Variants in SMYD3 observed in about 807,000 individuals in gnomAD.
The protein encoded by SMYD3 is histone-lysine N-methyltransferase SMYD3.
A neutral mutation model predicts 57.7 loss-of-function variants in SMYD3; 36 were observed. That is an observed-to-expected ratio of 0.62 (90% confidence interval 0.48 to 0.82). The LOEUF (loss-of-function observed/expected upper bound fraction) is 0.82, where lower values mean the gene tolerates loss of function less well. SMYD3 is among the 40% of genes least tolerant of loss of function. The pLI, the probability that SMYD3 is intolerant of heterozygous loss-of-function variation, is 0.00. For synonymous variants in SMYD3, 211 were observed against 195.0 expected (o/e 1.08, Z -0.68); for missense variants, 515 against 538.8 (o/e 0.96, Z 0.44).
intron 5 of SMYD3, among the ~76,000 whole-genome samples, chr1:246,003,917 G>T (rs965524495): frequency 6.6e-6 from 1 of 152,110 alleles, no homozygotes; most frequent in Non-Finnish European, 1.5e-5. Context: ...TGGGACCCAC[G>T]ACTTGGGGCT....
At chr1:245,773,271 G>A (rs2046412465) in intron 10 of SMYD3, among the ~76,000 whole-genome samples, 3 of 152,086 alleles carry the variant, frequency 2.0e-5, no homozygotes. Flanking sequence ...GATGATTCTG[G>A]GTGAGTGTCC....
intron 10 of SMYD3, among the ~76,000 whole-genome samples, chr1:245,812,446 G>A (rs981884503): frequency 1.3e-5 from 2 of 152,114 alleles, no homozygotes; most frequent in East Asian, 1.9e-4. Flanking sequence ...AGTGAACACC[G>A]TCAGGAAGAC....
chr1:246,294,164 A>G (rs1572347295), intron 5 of SMYD3, among the ~76,000 whole-genome samples: 1 of 150,978 alleles, frequency 6.6e-6, no homozygotes, highest in Admixed American at 6.6e-5. Context: ...CATTCCTTCC[A>G]CCTCCACAGC....
In SMYD3 at chr1:246,478,977, T is replaced by C. The variant is rs71638335; in HGVS notation, c.164+28077A>G. ...TGCTCATATATGCACACCTGTCCTC[T>C]GTCCTGGAGCTGATACATAAGTGCT... On this transcript the variant is annotated intron_variant, in intron 1 of 11. Transcript: ENST00000490107. Among the ~76,000 whole-genome samples, 1,290 of 138,982 alleles carry C rather than the reference T, an allele frequency of 9.3e-3. 19 individuals are homozygous for C. The highest frequency in any genetic ancestry group is 0.014 in the African/African-American group (484 of 35,348). 91.2% of individuals were successfully genotyped at this position (138,982 alleles called of 152,430 possible).
chr1:246,204,176 G>C (rs959016642), intron 5 of SMYD3, among the ~76,000 whole-genome samples: 3 of 152,140 alleles, frequency 2.0e-5, no homozygotes, highest in South Asian at 2.1e-4. Context: ...CCCAAAAACT[G>C]TAAGTGGGCC....
At chr1:246,211,392 G>T (rs781288842) in intron 5 of SMYD3, among the ~76,000 whole-genome samples, 1 of 152,096 alleles carries the variant, frequency 6.6e-6, no homozygotes, top group Admixed American at 6.5e-5. Context: ...TCAGAGACTG[G>T]TTGAATACAC....
At chr1:245,822,528 C>T (rs1369943331) in intron 10 of SMYD3, among the ~76,000 whole-genome samples, 1 of 150,092 alleles carries the variant, frequency 6.7e-6, no homozygotes, top group Non-Finnish European at 1.5e-5. Flanking sequence ...GCACATGTAC[C>T]CTAAAACTTA....
At chr1:245,895,753 C>T (rs1239028989) in intron 8 of SMYD3, among the ~76,000 whole-genome samples, 1 of 152,218 alleles carries the variant, frequency 6.6e-6, no homozygotes, top group African/African-American at 2.4e-5. Context: ...ACATGGGAAT[C>T]AAGGCAGTTC....
intron 11 of SMYD3, among the ~76,000 whole-genome samples, chr1:245,756,283 C>T (rs1051569675): frequency 6.6e-6 from 1 of 151,576 alleles, no homozygotes; most frequent in Non-Finnish European, 1.5e-5. Context: ...ATTTTACCCT[C>T]CCCCACTCCC....
chr1:246,423,663 CAA>C (rs1197327907), intron 1 of SMYD3, among the ~76,000 whole-genome samples: 1 of 151,194 alleles, frequency 6.6e-6, no homozygotes, highest in Non-Finnish European at 1.5e-5. Flanking sequence ...TATTTTATCT[CAA>C]AAAAATAAAA....
intron 5 of SMYD3, among the ~76,000 whole-genome samples, chr1:246,129,850 C>T (rs555789510): frequency 1.3e-5 from 2 of 152,162 alleles, no homozygotes; most frequent in South Asian, 4.1e-4. Context: ...AAAGAGTGTA[C>T]TCACTAAATT....
intron 5 of SMYD3, among the ~76,000 whole-genome samples, chr1:246,230,185 T>C (rs1369806064): frequency 6.6e-6 from 1 of 152,212 alleles, no homozygotes; most frequent in Admixed American, 6.5e-5. Flanking sequence ...CTGAACTACA[T>C]GCTATTCTGT....
intron 9 of SMYD3, among the ~76,000 whole-genome samples, chr1:245,860,169 C>T (rs1325367344): frequency 6.6e-6 from 1 of 151,920 alleles, no homozygotes. Context: ...CGTGCCCCCA[C>T]ACCCCTCCCA....
intron 5 of SMYD3, among the ~76,000 whole-genome samples, chr1:246,025,474 T>G (rs184969393): frequency 2.0e-5 from 3 of 152,196 alleles, no homozygotes; most frequent in Admixed American, 2.0e-4. Flanking sequence ...CGAAAAGAGG[T>G]ACCAGTACTG....
At chr1:246,070,083 C>A (rs1233158693) in intron 5 of SMYD3, among the ~76,000 whole-genome samples, 1 of 152,122 alleles carries the variant, frequency 6.6e-6, no homozygotes, top group Admixed American at 6.5e-5. Flanking sequence ...CCTAGACTAT[C>A]TTGAAGGGTG....
intron 5 of SMYD3, among the ~76,000 whole-genome samples, chr1:245,937,062 T>C (rs1484604794): frequency 1.3e-5 from 2 of 152,192 alleles, no homozygotes; most frequent in Non-Finnish European, 2.9e-5. Flanking sequence ...CCACCACACA[T>C]GACAATATAT....
At chr1:245,850,827 T>C (rs2050932752) in intron 10 of SMYD3, among the ~76,000 whole-genome samples, 1 of 152,202 alleles carries the variant, frequency 6.6e-6, no homozygotes, top group African/African-American at 2.4e-5. Flanking sequence ...AGGCATCCTC[T>C]GGTGGCCAAC....
intron 5 of SMYD3, among the ~76,000 whole-genome samples, chr1:245,987,741 G>A (rs917137128): frequency 2.6e-5 from 4 of 152,126 alleles, no homozygotes; most frequent in South Asian, 2.1e-4. Context: ...CCAAAGTCCC[G>A]GCACTTAAGC....
chr1:246,387,418 T>A (rs1558438437), intron 1 of SMYD3, among the ~76,000 whole-genome samples: 1 of 152,264 alleles, frequency 6.6e-6, no homozygotes, highest in Non-Finnish European at 1.5e-5. Context: ...GCATTTAAAG[T>A]GAACATGGTA....
Sources: gnomAD v4.1 joint callset for allele counts (sites outside exome capture counted in the v4.1 genomes callset) on GRCh38, gnomAD v4.1.1 for gene constraint, MANE v1.5 for transcripts, NCBI Gene and HGNC (gene_info 2026-07-23, HGNC 2026-07-21) for gene names.